GRIK1: variants seen among roughly 807,000 people sequenced by gnomAD.
GRIK1 encodes the protein glutamate receptor ionotropic, kainate 1.
Under a neutral mutation model 105.7 loss-of-function variants are expected in GRIK1, and 69 were observed. The observed-to-expected ratio is 0.65, with a 90% CI of 0.54 to 0.80. GRIK1 has a LOEUF of 0.80. GRIK1 is among the 30% of genes least tolerant of loss of function. The pLI, the probability that GRIK1 is intolerant of heterozygous loss-of-function variation, is 0.00. For synonymous variants in GRIK1, 438 were observed against 431.3 expected (o/e 1.02, Z -0.19); for missense variants, 1,109 against 1,167.3 (o/e 0.95, Z 0.73).
intron 7 of GRIK1, among the ~76,000 whole-genome samples, chr21:29,608,007 G>A (rs1199462715): frequency 6.6e-6 from 1 of 152,080 alleles, no homozygotes; most frequent in Non-Finnish European, 1.5e-5. Flanking sequence ...GTTAACTGGT[G>A]GATAATCTTG....
chr21:29,655,369 T>C (rs1488754628), intron 4 of GRIK1, among the ~76,000 whole-genome samples: 2 of 151,916 alleles, frequency 1.3e-5, no homozygotes, highest in African/African-American at 4.8e-5. Flanking sequence ...GACTGTACCA[T>C]TGCACTCCAG....
In GRIK1 at chr21:29,686,329, C is replaced by G. The variant is rs186492951; in HGVS notation, c.544+3399G>C. Among the ~76,000 whole-genome samples the G allele has an allele frequency of 2.0e-4, 30 of 152,142 alleles. 1 individual carries two copies. The highest frequency in any genetic ancestry group is 1.9e-3 in the Admixed American group (29 of 15,280). On this transcript the variant is annotated intron_variant, in intron 3 of 17. Coordinates refer to ENST00000327783, the MANE Select transcript of GRIK1 (RefSeq NM_001330994.2). ...TTTGAAAATTTGTTTATCCAATGAA[C>G]CAGAATATCACCTGGCAAATCCCAC...
chr21:29,613,973 A>G (rs1267079950), intron 7 of GRIK1, among the ~76,000 whole-genome samples: 1 of 152,192 alleles, frequency 6.6e-6, no homozygotes, highest in Non-Finnish European at 1.5e-5. Flanking sequence ...TTGCCCTGAA[A>G]AAAATAGGTT....
intron 7 of GRIK1, among the ~76,000 whole-genome samples, chr21:29,604,021 T>C (rs1421157988): frequency 6.6e-6 from 1 of 152,188 alleles, no homozygotes; most frequent in African/African-American, 2.4e-5. Flanking sequence ...TCTGAAAATG[T>C]ACAGAATTGG....
chr21:29,541,361 C>G (rs988954313), intron 16 of GRIK1, among the ~76,000 whole-genome samples: 4 of 152,100 alleles, frequency 2.6e-5, no homozygotes, highest in African/African-American at 9.7e-5. Flanking sequence ...TTACACCGGG[C>G]AAGGTATTTA....
intron 1 of GRIK1, among the ~76,000 whole-genome samples, chr21:29,888,161 T>TCTTTC (rs1555905460): frequency 1.4e-4 from 1 of 7,276 alleles, no homozygotes; most frequent in African/African-American, 3.0e-4. Context: ...CTCCTTTCTT[T>TCTTTC]TTTCTTTCTT....
At chr21:29,650,064 C>T (rs981142013) in intron 6 of GRIK1, among the ~76,000 whole-genome samples, 22 of 152,190 alleles carry the variant, frequency 1.4e-4, no homozygotes, top group Non-Finnish European at 7.3e-5. Flanking sequence ...TCCCAGGGCT[C>T]ATTTGTACCA....
At chr21:29,629,884 G>A (rs1436724238) in intron 7 of GRIK1, among the ~76,000 whole-genome samples, 1 of 152,196 alleles carries the variant, frequency 6.6e-6, no homozygotes, top group Non-Finnish European at 1.5e-5. Flanking sequence ...GGGAATGGAA[G>A]AGATGAGTAG....
At chr21:29,639,248 A>G (rs1256796822) in intron 7 of GRIK1, among the ~76,000 whole-genome samples, 1 of 152,224 alleles carries the variant, frequency 6.6e-6, no homozygotes, top group Admixed American at 6.5e-5. Context: ...TCATCAATTC[A>G]TTCACTTGTT....
chr21:29,931,329 A>C (rs2071556648), intron 1 of GRIK1, among the ~76,000 whole-genome samples: 1 of 152,048 alleles, frequency 6.6e-6, no homozygotes, highest in Non-Finnish European at 1.5e-5. Flanking sequence ...GGTTTTGGTC[A>C]ATATTGGTCA....
intron 1 of GRIK1, among the ~76,000 whole-genome samples, chr21:29,815,455 C>T (rs1044573993): frequency 6.6e-6 from 1 of 152,112 alleles, no homozygotes; most frequent in African/African-American, 2.4e-5. Flanking sequence ...TTTGATTATT[C>T]AAGGAAACTA....
intron 3 of GRIK1, among the ~76,000 whole-genome samples, chr21:29,673,583 C>A (rs1410448283): frequency 6.6e-6 from 1 of 152,164 alleles, no homozygotes; most frequent in Non-Finnish European, 1.5e-5. Flanking sequence ...AGGCTATAAA[C>A]TTCTGTAAGC....
At chr21:29,628,443 G>T (rs1371723483) in intron 7 of GRIK1, among the ~76,000 whole-genome samples, 4 of 152,090 alleles carry the variant, frequency 2.6e-5, no homozygotes, top group Non-Finnish European at 4.4e-5. Context: ...AAATATAATA[G>T]CTTTTCTTGC....
chr21:29,545,146 C>G (rs939822644), intron 16 of GRIK1, among the ~76,000 whole-genome samples: 4 of 152,238 alleles, frequency 2.6e-5, no homozygotes, highest in Non-Finnish European at 1.5e-5. Context: ...ACATGAATAG[C>G]TGATGGTATA....
intron 1 of GRIK1, among the ~76,000 whole-genome samples, chr21:29,810,592 AAC>A (rs1183418414): frequency 2.0e-5 from 3 of 152,172 alleles, no homozygotes; most frequent in Non-Finnish European, 4.4e-5. Context: ...AATCTATGGA[AAC>A]ACAATCACCT....
At chr21:29,544,960 C>T (rs573155356) in intron 16 of GRIK1, among the ~76,000 whole-genome samples, 2 of 152,314 alleles carry the variant, frequency 1.3e-5, no homozygotes, top group East Asian at 1.9e-4. Context: ...GACCTGAGAA[C>T]ACAGGGAAAC....
At chr21:29,578,024 T>C (rs2090936473) in intron 13 of GRIK1, among the ~76,000 whole-genome samples, 1 of 152,208 alleles carries the variant, frequency 6.6e-6, no homozygotes, top group Non-Finnish European at 1.5e-5. Context: ...AAGTTTACTG[T>C]CATAAAAGAC....
chr21:29,868,753 G>C (rs1013325150), intron 1 of GRIK1, among the ~76,000 whole-genome samples: 2 of 151,564 alleles, frequency 1.3e-5, no homozygotes, highest in Non-Finnish European at 2.9e-5. Flanking sequence ...GTAATGCATT[G>C]CTTCTTTTGC....
chr21:29,547,562 C>T (rs1326231713), intron 16 of GRIK1, among the ~76,000 whole-genome samples: 1 of 152,240 alleles, frequency 6.6e-6, no homozygotes, highest in Non-Finnish European at 1.5e-5. Context: ...AGCCCTTTAG[C>T]AGCAGTGTGG....
Sources: allele counts gnomAD v4.1 joint callset (sites outside exome capture counted in the v4.1 genomes callset), GRCh38; gene constraint gnomAD v4.1.1; transcripts MANE v1.5; gene names NCBI Gene and HGNC (gene_info 2026-07-23, HGNC 2026-07-21).